SLC8A3: variants seen among roughly 807,000 people sequenced by gnomAD.
SLC8A3 encodes the protein sodium/calcium exchanger 3.
In SLC8A3, 37 loss-of-function variants were observed where a neutral mutation model predicts 65.4. The ratio of observed to expected loss-of-function variants is 0.57; its 90% CI spans 0.44 to 0.74. The LOEUF is 0.74. SLC8A3 is among the 30% of genes least tolerant of loss of function. The probability of loss-of-function intolerance (pLI) is 0.00; values close to 1 mark genes in which losing one functional copy is unlikely to be tolerated. For synonymous variants in SLC8A3, 461 were observed against 444.5 expected (o/e 1.04, Z -0.47); for missense variants, 1,112 against 1,172.1 (o/e 0.95, Z 0.75).
chr14:70,143,800 C>A (rs74063892), intron 2 of SLC8A3, among the ~76,000 whole-genome samples: 3 of 152,234 alleles, frequency 2.0e-5, no homozygotes, highest in African/African-American at 2.4e-5. Context: ...TCTCTTCCCC[C>A]CAGAGAACCA....
intron 2 of SLC8A3, among the ~76,000 whole-genome samples, chr14:70,085,487 C>A (rs1442779287): frequency 1.3e-5 from 2 of 152,150 alleles, no homozygotes; most frequent in African/African-American, 4.8e-5. Context: ...CAAGGCCCTT[C>A]TCTTACCTTT....
chr14:70,114,425 A>G (rs1401435259), intron 2 of SLC8A3, among the ~76,000 whole-genome samples: 1 of 152,218 alleles, frequency 6.6e-6, no homozygotes, highest in Non-Finnish European at 1.5e-5. Context: ...CACTACCTGC[A>G]ACAGTATTCA....
chr14:70,153,925 C>A (rs4899329), intron 2 of SLC8A3, among the ~76,000 whole-genome samples: 99,239 of 152,192 alleles, frequency 0.65, 33,477 homozygotes, highest in East Asian at 0.96. Flanking sequence ...CCCAGGCAGC[C>A]GGCCAAAGCA....
chr14:70,113,818 C>A (rs1021296118), intron 2 of SLC8A3, among the ~76,000 whole-genome samples: 2 of 152,162 alleles, frequency 1.3e-5, no homozygotes, highest in African/African-American at 4.8e-5. Flanking sequence ...TAAAGTATTT[C>A]ATTAGGTCAC....
intron 2 of SLC8A3, among the ~76,000 whole-genome samples, chr14:70,095,964 C>T (rs1387351058): frequency 6.6e-6 from 1 of 152,102 alleles, no homozygotes; most frequent in Non-Finnish European, 1.5e-5. Flanking sequence ...TCACTGCAAC[C>T]TCCACCTCCC....
At chr14:70,119,504 C>T (rs887916523) in intron 2 of SLC8A3, among the ~76,000 whole-genome samples, 10 of 152,130 alleles carry the variant, frequency 6.6e-5, no homozygotes, top group African/African-American at 2.4e-4. Context: ...AGATTTTATC[C>T]AGTTAAACAT....
Position 70,086,382 on chromosome 14 carries a change from TTTTTTC to T in SLC8A3, c.1785-25449_1785-25444del, listed in dbSNP as rs1891433619. Among the ~76,000 whole-genome samples, 5 of 146,348 alleles carry T rather than the reference TTTTTTC, an allele frequency of 3.4e-5. No homozygotes were observed. In the South Asian group the frequency reaches 6.5e-4, roughly 19 times the overall value. The stretch of plus-strand genomic sequence containing the variant: ...TTTTTAATTTAATTTCTTTCTTTTC[TTTTTTC>T]TTTTTCTTTTTTCTTTTTTTTTTTT... On this transcript the variant is annotated intron_variant, in intron 2 of 6. Coordinates refer to ENST00000356921, the MANE Select transcript of SLC8A3 (RefSeq NM_182932.3).
chr14:70,080,160 C>T (rs550712595), intron 2 of SLC8A3: 1 of 985,418 alleles, frequency 1.0e-6, no homozygotes, highest in Non-Finnish European at 1.2e-6. Context: ...ATGCCTCTAG[C>T]TGTCATTCCC....
intron 2 of SLC8A3, among the ~76,000 whole-genome samples, chr14:70,102,684 G>A (rs1892620012): frequency 6.6e-6 from 1 of 152,002 alleles, no homozygotes; most frequent in Non-Finnish European, 1.5e-5. Flanking sequence ...GATCTGAATG[G>A]CCTTAATATC....
intron 2 of SLC8A3, among the ~76,000 whole-genome samples, chr14:70,067,963 G>C (rs1373940848): frequency 6.6e-6 from 1 of 152,210 alleles, no homozygotes; most frequent in African/African-American, 2.4e-5. Context: ...ACCTGCACCT[G>C]CCTTTCCTCC....
rs1245396847 is a variant in SLC8A3, at chr14:70,131,147, G to A, written c.1784+35492C>T. Among the ~76,000 whole-genome samples the A allele has an allele frequency of 2.0e-5, 3 of 152,174 alleles. No individual in the cohort carries two copies. The East Asian group carries it at 5.8e-4, about 29-fold the overall frequency. On this transcript the variant is annotated intron_variant, in intron 2 of 6. Transcript: ENST00000356921. ...ATGCTCTGTTGTGGAGAACATGGGA[G>A]AAAGAGACTCCAAGAAGGCCAAGGA...
intron 2 of SLC8A3, among the ~76,000 whole-genome samples, chr14:70,153,802 C>T (rs1896417317): frequency 6.6e-6 from 1 of 152,236 alleles, no homozygotes; most frequent in South Asian, 2.1e-4. Context: ...GCTCTCATCT[C>T]ATCACTGCCC....
intron 2 of SLC8A3, among the ~76,000 whole-genome samples, chr14:70,101,674 AT>A (rs1463590470): frequency 1.3e-5 from 2 of 152,236 alleles, no homozygotes; most frequent in African/African-American, 2.4e-5. Context: ...GGTACTAGAA[AT>A]GATCTCCCAT....
At chr14:70,162,443 G>T (rs1192822855) in intron 2 of SLC8A3, among the ~76,000 whole-genome samples, 2 of 152,120 alleles carry the variant, frequency 1.3e-5, no homozygotes, top group Non-Finnish European at 1.5e-5. Flanking sequence ...ATTCTGATTT[G>T]GTTGGAGAAC....
chr14:70,092,330 C>T (rs550549577), intron 2 of SLC8A3, among the ~76,000 whole-genome samples: 125 of 152,270 alleles, frequency 8.2e-4, no homozygotes, highest in Non-Finnish European at 1.2e-3. Flanking sequence ...GAATGCTTTC[C>T]TGATGCCCCT....
Position 70,048,809 on chromosome 14 carries a change from C to T in SLC8A3, c.2347G>A (p.Val783Ile). The change falls in exon 6 of 7, where the codon GTC (valine) becomes ATC (isoleucine). Residue 783 changes from valine to isoleucine, a missense_variant. By Grantham distance (29) the Val-to-Ile change is conservative (BLOSUM62 3). Coordinates refer to ENST00000356921, the MANE Select transcript of SLC8A3 (RefSeq NM_182932.3). ...AATGCCACGAAAACAACAGCTGTGA[C>T]TGAATCTTTGAGACCAATGGTGCAG... is the stretch of plus-strand genomic sequence containing the variant. ...FGCTIGLKDS[V>I]TAVVFVAFGT... 1.2e-6 allele frequency: 2 copies of T among 1,614,132 alleles called. No homozygotes were observed. The highest frequency in any genetic ancestry group is 1.7e-6 in the Non-Finnish European group (2 of 1,180,006).
rs145911362 is a variant in SLC8A3, at chr14:70,125,647, A to T, written c.1784+40992T>A. 7.6e-4 allele frequency among the ~76,000 whole-genome samples: 116 copies of T among 152,288 alleles called. No homozygotes were observed. The East Asian group carries it at 0.02, about 26-fold the overall frequency. On this transcript the variant is annotated intron_variant, in intron 2 of 6. Coordinates refer to ENST00000356921, the MANE Select transcript of SLC8A3 (RefSeq NM_182932.3). ...AGTGTTGCAATAAATATTTGAGTGC[A>T]GGTATCTTTTTTATATAATAATTTA... is the stretch of plus-strand genomic sequence containing the variant.
At chr14:70,180,644 A>G (rs1882671087) in intron 1 of SLC8A3, among the ~76,000 whole-genome samples, 1 of 152,242 alleles carries the variant, frequency 6.6e-6, no homozygotes. Flanking sequence ...GCCACTGAGC[A>G]GAGTGGTTTT....
At chr14:70,053,264 T>C (rs1887703509) in intron 3 of SLC8A3, among the ~76,000 whole-genome samples, 1 of 152,218 alleles carries the variant, frequency 6.6e-6, no homozygotes, top group Admixed American at 6.5e-5. Flanking sequence ...TCTTTCTGCA[T>C]ATGTCCAAGT....
Sources: allele counts gnomAD v4.1 joint callset (sites outside exome capture counted in the v4.1 genomes callset), GRCh38; gene constraint gnomAD v4.1.1; transcripts MANE v1.5; gene names NCBI Gene and HGNC (gene_info 2026-07-23, HGNC 2026-07-21).